The following FAR1 variants were observed in gnomAD, a reference collection of about 807,000 sequenced individuals.
The protein encoded by FAR1 is fatty acyl-CoA reductase 1, also known as male sterility domain-containing protein 2.
FAR1 carries 22 observed loss-of-function variants against 61.1 expected under a neutral mutation model. That is an observed-to-expected ratio of 0.36 (90% confidence interval 0.26 to 0.51). The LOEUF (loss-of-function observed/expected upper bound fraction) is 0.51, where lower values mean the gene tolerates loss of function less well. Ranked by LOEUF, FAR1 falls within the 20% of genes least tolerant of loss-of-function variation. The probability of loss-of-function intolerance (pLI) is 0.95; values close to 1 mark genes in which losing one functional copy is unlikely to be tolerated. For synonymous variants in FAR1, 206 were observed against 209.7 expected, an observed-to-expected ratio of 0.98 and a Z score of 0.15; for missense variants, 359 against 626.9, an observed-to-expected ratio of 0.57 and a Z score of 4.56.
chr11:13,683,588 C>G (rs1848153601), intron 1 of FAR1, among the ~76,000 whole-genome samples: 1 of 151,784 alleles, frequency 6.6e-6, no homozygotes, highest in African/African-American at 2.4e-5. Flanking sequence ...GCGATGTTGC[C>G]CAGGCTGGTC....
rs982659563 is a variant in FAR1 at position 13,668,677 on chromosome 11, C to G, written c.-137C>G. 1.3e-5 allele frequency: 2 copies of G among 153,078 alleles called. No homozygotes were observed. Among genetic ancestry groups the G allele is most frequent in the African/African-American group, 4.8e-5 (2 of 41,466 alleles). 9.5% of individuals were successfully genotyped at this position (153,078 alleles called of 1,614,324 possible). A position where few individuals can be genotyped will look rare whatever the true frequency, so the allele number is the denominator to read the frequency against. On this transcript the variant is annotated 5_prime_UTR_variant, in exon 1 of 12. Transcript: ENST00000354817. ...CTCAGCCAATGGGCGTGCCACTGCC[C>G]GTCCGCTCTTCAGCAGCCGGTCGCG...
chr11:13,696,969 G>A (rs183592407), intron 2 of FAR1, among the ~76,000 whole-genome samples: 3 of 152,300 alleles, frequency 2.0e-5, no homozygotes, highest in Admixed American at 2.0e-4. Flanking sequence ...CTAGTTCTTT[G>A]TTCTGGAGGC....
Position 13,731,073 on chromosome 11 carries a change from C to A in FAR1, c.*2299C>A, listed in dbSNP as rs1180876018. Reference sequence around the variant, plus strand: ...GGATAGCCTACTAAATTAAATGTTTCTTATTTCACTTAACTCATTTGATTA... The same window carrying A: ...GGATAGCCTACTAAATTAAATGTTTATTATTTCACTTAACTCATTTGATTA... On this transcript the variant is annotated 3_prime_UTR_variant, in exon 12 of 12. Transcript: ENST00000354817. 6.6e-6 allele frequency: 1 copy of A among 152,130 alleles called. No homozygotes were observed. The highest frequency in any genetic ancestry group is 1.5e-5 in the Non-Finnish European group (1 of 67,972). 9.4% of individuals were successfully genotyped at this position (152,130 alleles called of 1,614,324 possible).
rs1234980223 is a variant in FAR1, at chr11:13,728,827, AAAATGTAAAATGTAT to A, written c.*56_*70del. 32 of 1,492,490 alleles carry A rather than the reference AAAATGTAAAATGTAT, an allele frequency of 2.1e-5. No individual in the cohort carries two copies. The highest frequency in any genetic ancestry group is 1.8e-6 in the Non-Finnish European group (2 of 1,091,510). 92.5% of individuals were successfully genotyped at this position (1,492,490 alleles called of 1,614,324 possible). A position where few individuals can be genotyped will look rare whatever the true frequency, so the allele number is the denominator to read the frequency against. On this transcript the variant is annotated 3_prime_UTR_variant, in exon 12 of 12. Transcript: ENST00000354817. ...TATACATATGGTGATCTAAATGTAC[AAAATGTAAAATGTAT>A]AAGTCATCTCACTTTTTGTCAAGAC...
intron 2 of FAR1, among the ~76,000 whole-genome samples, chr11:13,697,241 C>T (rs943620922): frequency 2.0e-5 from 3 of 152,004 alleles, no homozygotes; most frequent in African/African-American, 7.2e-5. Flanking sequence ...TGGTGGGTCA[C>T]TTGAGGCCAG....
rs191314795 is a variant in FAR1, at chr11:13,677,826, A to G, written c.-8+9020A>G. 1.4e-4 allele frequency among the ~76,000 whole-genome samples: 22 copies of G among 152,392 alleles called. No homozygotes were observed. The East Asian group carries it at 3.9e-3, about 27-fold the overall frequency. ...GGAAGAGCTATATGGATGGTTCCTA[A>G]TTGAATCACAAAAAATATGCTTGTC... On this transcript the variant is annotated intron_variant, in intron 1 of 11. Transcript: ENST00000354817.
At chr11:13,724,444 G>A (rs977252809) in intron 10 of FAR1, among the ~76,000 whole-genome samples, 1 of 151,512 alleles carries the variant, frequency 6.6e-6, no homozygotes, top group African/African-American at 2.4e-5. Flanking sequence ...CAACTACTTG[G>A]GAGGCTGAGG....
intron 1 of FAR1, chr11:13,669,496 G>C (rs80270421): frequency 6.6e-6 from 1 of 152,172 alleles, no homozygotes; most frequent in Non-Finnish European, 1.5e-5. Context: ...GGACTAGAAG[G>C]CATTAGTTGG....
intron 10 of FAR1, among the ~76,000 whole-genome samples, chr11:13,726,461 T>A (rs968282714): frequency 2.6e-5 from 4 of 152,102 alleles, no homozygotes; most frequent in African/African-American, 9.7e-5. Context: ...GCATAGAGTT[T>A]TATTTAGGAC....
At chr11:13,698,583 C>T (rs1591262724) in intron 2 of FAR1, among the ~76,000 whole-genome samples, 2 of 152,278 alleles carry the variant, frequency 1.3e-5, no homozygotes, top group African/African-American at 2.4e-5. Flanking sequence ...ATAATCCCAG[C>T]GCTTTGGGAG....
In FAR1 at chr11:13,727,558, CT is replaced by C; in HGVS notation, c.1262del (p.Phe421SerfsTer14). 1 of 1,597,242 alleles carries C rather than the reference CT, an allele frequency of 6.3e-7. No homozygotes were observed. Among genetic ancestry groups the C allele is most frequent in the Non-Finnish European group, 8.5e-7 (1 of 1,172,486 alleles). ...CAGTAATTTTTTTGTTAACGTAGACCTTCAATATTGATGTACGGCAGTTACA... is the reference window on the plus strand; with the variant it reads ...CAGTAATTTTTTTGTTAACGTAGACCTCAATATTGATGTACGGCAGTTACA... ...NQLNPEDKKT[F>X]NIDVRQLHWA... On this transcript the variant is annotated frameshift_variant, in exon 11 of 12. Coordinates refer to ENST00000354817, the MANE Select transcript of FAR1 (RefSeq NM_032228.6). LOFTEE classifies it high-confidence loss of function.
At chr11:13,702,376 T>C (rs1306015763) in intron 3 of FAR1, among the ~76,000 whole-genome samples, 4 of 152,142 alleles carry the variant, frequency 2.6e-5, no homozygotes, top group African/African-American at 7.2e-5. Flanking sequence ...CAAATGACTT[T>C]TAAAAATTAT....
At chr11:13,670,281 GTTTTGT>G (rs1215426807) in intron 1 of FAR1, 1 of 150,958 alleles carries the variant, frequency 6.6e-6, no homozygotes, top group East Asian at 2.0e-4. Flanking sequence ...TTTTTGTTTT[GTTTTGT>G]TTTTATTTTA....
chr11:13,670,813 G>A (rs1196178884), intron 1 of FAR1, among the ~76,000 whole-genome samples: 1 of 151,794 alleles, frequency 6.6e-6, no homozygotes, highest in African/African-American at 2.4e-5. Context: ...TGTGGATAGA[G>A]GCTGGAGGCA....
intron 11 of FAR1, 129 bp from the exon 12 acceptor site, chr11:13,728,483 T>G: frequency 1.3e-6 from 1 of 782,730 alleles, no homozygotes; most frequent in Non-Finnish European, 2.1e-6. Flanking sequence ...GTATACTTAA[T>G]GCCTATCATA....
chr11:13,671,928 A>G (rs189851826), intron 1 of FAR1, among the ~76,000 whole-genome samples: 4 of 152,344 alleles, frequency 2.6e-5, no homozygotes, highest in Non-Finnish European at 5.9e-5. Flanking sequence ...TGAAGAAAGA[A>G]AAAGATTAGT....
chr11:13,678,400 G>A (rs1848090343), intron 1 of FAR1, among the ~76,000 whole-genome samples: 1 of 151,772 alleles, frequency 6.6e-6, no homozygotes, highest in Admixed American at 6.6e-5. Flanking sequence ...GAGTAGCTGG[G>A]ACTACAGATG....
chr11:13,669,793 C>A (rs909439824), intron 1 of FAR1: 2 of 152,118 alleles, frequency 1.3e-5, no homozygotes, highest in African/African-American at 4.8e-5. Flanking sequence ...TTTGCCTCAG[C>A]AGCACAAGAA....
rs1848359834 is a variant in FAR1 at position 13,700,508 on chromosome 11, T to C, written c.365+16T>C. On this transcript the variant is annotated intron_variant, in intron 3 of 11. Coordinates refer to ENST00000354817, the MANE Select transcript of FAR1 (RefSeq NM_032228.6). ...AAAATTTAAGGTAAGTACAAGTAATTATATAATATTTGAACTTCAGTATAG... is the reference window on the plus strand; with the variant it reads ...AAAATTTAAGGTAAGTACAAGTAATCATATAATATTTGAACTTCAGTATAG... The C allele has an allele frequency of 7.2e-7, 1 of 1,392,690 alleles. No individual in the cohort carries two copies. The allele number at this position is 1,392,690 out of a possible 1,614,324, so 86.3% of individuals were successfully genotyped here.
Sources: allele counts gnomAD v4.1 joint callset (sites outside exome capture counted in the v4.1 genomes callset), GRCh38; gene constraint gnomAD v4.1.1; transcripts MANE v1.5; gene names NCBI Gene and HGNC (gene_info 2026-07-23, HGNC 2026-07-21).